Variants in CLVS2 observed in about 807,000 individuals in gnomAD.
CLVS2 encodes the protein clavesin 2.
A neutral mutation model predicts 29.0 loss-of-function variants in CLVS2; 19 were observed. The ratio of observed to expected loss-of-function variants is 0.66; its 90% CI spans 0.46 to 0.96. The LOEUF (loss-of-function observed/expected upper bound fraction) is 0.96, where lower values mean the gene tolerates loss of function less well. CLVS2 is among the 40% of genes least tolerant of loss of function. The pLI is 0.00. For synonymous variants in CLVS2, 161 were observed against 151.3 expected, an observed-to-expected ratio of 1.06 and a Z score of -0.47; for missense variants, 294 against 404.1, an observed-to-expected ratio of 0.73 and a Z score of 2.34.
intron 4 of CLVS2, among the ~76,000 whole-genome samples, chr6:123,052,646 A>T (rs1772629034): frequency 6.6e-6 from 1 of 152,164 alleles, no homozygotes; most frequent in Non-Finnish European, 1.5e-5. Flanking sequence ...ATACATTTTG[A>T]GGATAGCACC....
At chr6:123,003,266 C>T (rs1215816590) in intron 2 of CLVS2, among the ~76,000 whole-genome samples, 1 of 152,092 alleles carries the variant, frequency 6.6e-6, no homozygotes, top group Non-Finnish European at 1.5e-5. Flanking sequence ...TAAAGAAGGT[C>T]GAGAAGCAAA....
chr6:123,002,354 G>T (rs779603463), intron 2 of CLVS2, among the ~76,000 whole-genome samples: 3 of 152,092 alleles, frequency 2.0e-5, no homozygotes, highest in African/African-American at 4.8e-5. Flanking sequence ...TTGTCAGTTT[G>T]CTCCTATTGT....
chr6:123,044,377 G>T (rs889571983), intron 3 of CLVS2, among the ~76,000 whole-genome samples: 4 of 152,108 alleles, frequency 2.6e-5, no homozygotes, highest in African/African-American at 9.7e-5. Context: ...CAATTTAAAG[G>T]GTTATTTCAC....
intron 2 of CLVS2, among the ~76,000 whole-genome samples, chr6:123,002,859 T>C (rs188650373): frequency 6.6e-6 from 1 of 152,336 alleles, no homozygotes; most frequent in South Asian, 2.1e-4. Flanking sequence ...TCTGGAGGCA[T>C]GGCTTTGCCA....
rs1772960676 is a variant in CLVS2, at chr6:123,072,188, C to T, written c.*8427C>T. ...TTCCCAACACTGTAATAATTTAAGCCTCCTGTTTTATAATCTTCTATCAGA... is the reference window on the plus strand; with the variant it reads ...TTCCCAACACTGTAATAATTTAAGCTTCCTGTTTTATAATCTTCTATCAGA... On this transcript the variant is annotated 3_prime_UTR_variant, in exon 6 of 6. Transcript: ENST00000275162. 1 of 151,974 alleles carries T rather than the reference C, an allele frequency of 6.6e-6. No individual in the cohort carries two copies. Among genetic ancestry groups the T allele is most frequent in the Admixed American group, 6.6e-5 (1 of 15,202 alleles). The allele number at this position is 151,974 out of a possible 1,614,324, so 9.4% of individuals were successfully genotyped here.
intron 5 of CLVS2, among the ~76,000 whole-genome samples, chr6:123,059,373 G>C (rs1772742662): frequency 6.6e-6 from 1 of 152,130 alleles, no homozygotes; most frequent in Non-Finnish European, 1.5e-5. Context: ...CCCAAAGTAA[G>C]CTTCAAGGAG....
intron 5 of CLVS2, among the ~76,000 whole-genome samples, chr6:123,057,508 A>G (rs1394038771): frequency 6.6e-6 from 1 of 151,802 alleles, no homozygotes; most frequent in Non-Finnish European, 1.5e-5. Flanking sequence ...CACTGCACCC[A>G]GCTAATTTTT....
chr6:123,043,560 AT>A (rs1286144981), intron 3 of CLVS2, among the ~76,000 whole-genome samples: 1 of 152,204 alleles, frequency 6.6e-6, no homozygotes, highest in East Asian at 1.9e-4. Flanking sequence ...GATAGATTTA[AT>A]TTTAAATAAG....
chr6:123,014,882 G>A (rs926303415), intron 3 of CLVS2, among the ~76,000 whole-genome samples: 19 of 151,904 alleles, frequency 1.3e-4, no homozygotes, highest in Non-Finnish European at 2.8e-4. Flanking sequence ...TTTTATGTTG[G>A]GTGTCAAATA....
Position 123,048,651 on chromosome 6 carries a change from T to C in CLVS2, c.594T>C (p.Ile198=). ...QDSFPARFGG[I]HFVNQPWYIH... Reference sequence around the variant, plus strand: ...GTTTCCCAGCGCGATTTGGAGGAATTCATTTTGTCAATCAACCATGGTATA... The same window carrying C: ...GTTTCCCAGCGCGATTTGGAGGAATCCATTTTGTCAATCAACCATGGTATA... Residue 198 remains isoleucine, a synonymous_variant, in exon 4 of 6, where the codon ATT becomes ATC. Transcript: ENST00000275162. The C allele has an allele frequency of 6.2e-7, 1 of 1,613,492 alleles. No homozygotes were observed. The highest frequency in any genetic ancestry group is 1.1e-5 in the South Asian group (1 of 91,034).
chr6:123,019,802 A>C (rs1774894820), intron 3 of CLVS2, among the ~76,000 whole-genome samples: 1 of 152,032 alleles, frequency 6.6e-6, no homozygotes. Flanking sequence ...GCACTCACCA[A>C]GCTTGAGACC....
At position 123,072,564 on chromosome 6, in the gene CLVS2, C is replaced by G. The variant is rs760759860; in HGVS notation, c.*8803C>G. 6.6e-6 allele frequency: 1 copy of G among 152,056 alleles called. No individual in the cohort carries two copies. The highest frequency in any genetic ancestry group is 6.6e-5 in the Admixed American group (1 of 15,234). The allele number at this position is 152,056 out of a possible 1,614,324, so 9.4% of individuals were successfully genotyped here. A position where few individuals can be genotyped will look rare whatever the true frequency, so the allele number is the denominator to read the frequency against. Reference sequence around the variant, plus strand: ...AGTCTGTACAGTGGAAACCATTTCCCTCTGTGATATCCTTTTTTGCCAACC... The same window carrying G: ...AGTCTGTACAGTGGAAACCATTTCCGTCTGTGATATCCTTTTTTGCCAACC... On this transcript the variant is annotated 3_prime_UTR_variant, in exon 6 of 6. Transcript: ENST00000275162.
intron 2 of CLVS2, among the ~76,000 whole-genome samples, chr6:123,006,562 T>C (rs981104163): frequency 1.3e-4 from 20 of 152,176 alleles, no homozygotes; most frequent in Middle Eastern, 3.4e-3. Context: ...TGTATAAATA[T>C]ATAAAAGACA....
At chr6:123,044,210 C>T (rs1490455436) in intron 3 of CLVS2, among the ~76,000 whole-genome samples, 1 of 152,118 alleles carries the variant, frequency 6.6e-6, no homozygotes, top group African/African-American at 2.4e-5. Context: ...TTCATTGTCT[C>T]CAGTGAAGAA....
chr6:123,021,879 TAC>T (rs1227593603), intron 3 of CLVS2, among the ~76,000 whole-genome samples: 13 of 152,056 alleles, frequency 8.5e-5, no homozygotes, highest in African/African-American at 3.1e-4. Flanking sequence ...GCTAGAATAG[TAC>T]AGTTATTACC....
rs2043370867 is a variant in CLVS2 at position 123,015,885 on chromosome 6, CA to C, written c.564+4727del. 3.3e-5 allele frequency among the ~76,000 whole-genome samples: 5 copies of C among 152,024 alleles called. No individual in the cohort carries two copies. In the South Asian group the frequency reaches 1.0e-3, roughly 32 times the overall value. ...TTAATATAACAACAAAGTGATAAGC[CA>C]TTCATAATATTGGTCCAAGGTAAGT... On this transcript the variant is annotated intron_variant, in intron 3 of 5. Transcript: ENST00000275162.
In CLVS2 at chr6:123,068,015, AT is replaced by A. The variant is rs1772889601; in HGVS notation, c.*4255del. The A allele has an allele frequency of 6.6e-6, 1 of 151,716 alleles. No individual in the cohort carries two copies. The highest frequency in any genetic ancestry group is 6.6e-5 in the Admixed American group (1 of 15,196). The allele number at this position is 151,716 out of a possible 1,614,324, so 9.4% of individuals were successfully genotyped here. A position where few individuals can be genotyped will look rare whatever the true frequency, so the allele number is the denominator to read the frequency against. On this transcript the variant is annotated 3_prime_UTR_variant, in exon 6 of 6. Transcript: ENST00000275162. ...TGATCTCAATGGCTTAGAGAATATAATCTTTTTTAAGAATTAAAGATTTTAT... is the reference window on the plus strand; with the variant it reads ...TGATCTCAATGGCTTAGAGAATATAACTTTTTTAAGAATTAAAGATTTTAT...
chr6:123,034,631 T>G, intron 3 of CLVS2, among the ~76,000 whole-genome samples: 1 of 152,140 alleles, frequency 6.6e-6, no homozygotes, highest in East Asian at 1.9e-4. Context: ...TGATAGAACA[T>G]TTCTGTATCT....
intron 3 of CLVS2, among the ~76,000 whole-genome samples, chr6:123,040,306 G>A (rs1023191588): frequency 5.9e-5 from 9 of 152,044 alleles, no homozygotes; most frequent in African/African-American, 2.2e-4. Context: ...GTAATTCTGG[G>A]TATATGGCTG....
Sources: gnomAD v4.1 joint callset for allele counts (sites outside exome capture counted in the v4.1 genomes callset) on GRCh38, gnomAD v4.1.1 for gene constraint, MANE v1.5 for transcripts, NCBI Gene and HGNC (gene_info 2026-07-23, HGNC 2026-07-21) for gene names.